UBA5: variants seen among roughly 807,000 people sequenced by gnomAD.
UBA5 encodes the protein ubiquitin-like modifier-activating enzyme 5.
A neutral mutation model predicts 52.9 loss-of-function variants in UBA5; 28 were observed. The ratio of observed to expected loss-of-function variants is 0.53; its 90% CI spans 0.39 to 0.73. The LOEUF is 0.73. Ranked by LOEUF, UBA5 falls within the 30% of genes least tolerant of loss-of-function variation. The pLI, the probability that UBA5 is intolerant of heterozygous loss-of-function variation, is 0.00. For synonymous variants in UBA5, 135 were observed against 162.1 expected, an observed-to-expected ratio of 0.83 and a Z score of 1.27; for missense variants, 388 against 492.7, an observed-to-expected ratio of 0.79 and a Z score of 2.01.
At chr3:132,660,230 C>T (rs574176889), upstream of UBA5, 11 of 522,442 alleles carry the variant, frequency 2.1e-5, no homozygotes, top group Admixed American at 3.4e-5. The surrounding 1 kb of genome is among the most constrained non-coding windows in gnomAD (Gnocchi z 4.1). Flanking sequence ...GCCCTGGACA[C>T]TTATCACCCC....
In UBA5 at chr3:132,679,258, ACT is replaced by A. The variant is rs1378384784; in HGVS notation, c.*2735_*2736del. On this transcript the variant is annotated 3_prime_UTR_variant, in exon 12 of 12. Coordinates refer to ENST00000356232, the MANE Select transcript of UBA5 (RefSeq NM_024818.6). Reference sequence around the variant, plus strand: ...ACTCCAGTCTGGAAAACAGAGTGAGACTCTGTCTCAAAAAAAAAGGTATTGAT... The same window carrying A: ...ACTCCAGTCTGGAAAACAGAGTGAGACTGTCTCAAAAAAAAAGGTATTGAT... Among the ~76,000 whole-genome samples the A allele has an allele frequency of 1.3e-5, 2 of 151,862 alleles. No homozygotes were observed. Among genetic ancestry groups the A allele is most frequent in the Non-Finnish European group, 2.9e-5 (2 of 67,946 alleles).
intron 8 of UBA5, 22 bp from the exon 9 acceptor site, chr3:132,675,226 A>T: frequency 6.6e-7 from 1 of 1,516,582 alleles, no homozygotes; most frequent in Non-Finnish European, 9.0e-7. Flanking sequence ...TTCTTTATTT[A>T]AGTCTATTTT....
intron 1 of UBA5, chr3:132,654,745 G>A (rs767470900): frequency 6.6e-5 from 10 of 152,232 alleles, no homozygotes; most frequent in African/African-American, 1.2e-4. Flanking sequence ...TACTTGCTGT[G>A]TTTCCCTTCT....
chr3:132,660,178 C>T (rs1426776578), upstream of UBA5: 2 of 394,586 alleles, frequency 5.1e-6, no homozygotes, highest in African/African-American at 2.1e-5. The surrounding 1 kb of genome is among the most constrained non-coding windows in gnomAD (Gnocchi z 4.1). Context: ...GACCCTGTTT[C>T]TCTTAGATAC....
Position 132,675,264 on chromosome 3 carries a change from G to A in UBA5, c.829G>A (p.Gly277Ser). The part of the protein sequence containing the change: ...QNVLKFLLNF[G>S]TVSFYLGYNA... ...TTTTTCTAGGTTTCTGTTAAATTTT[G>A]GTACTGTTAGTTTTTACCTTGGATA... Residue 277 changes from glycine to serine, a missense_variant, in exon 9 of 12, where the codon GGT (glycine) becomes AGT (serine). Transcript: ENST00000356232. The A allele has an allele frequency of 6.2e-7, 1 of 1,604,168 alleles. No individual in the cohort carries two copies. The highest frequency in any genetic ancestry group is 8.5e-7 in the Non-Finnish European group (1 of 1,173,394).
intron 4 of UBA5, 49 bp from the exon 5 acceptor site, chr3:132,670,149 T>C: frequency 1.0e-6 from 1 of 956,002 alleles, no homozygotes. Flanking sequence ...CACAGCCTCT[T>C]GAAATGCTAG....
chr3:132,659,927 C>G (rs141106165), upstream of UBA5: 187 of 696,166 alleles, frequency 2.7e-4, 1 homozygote, highest in African/African-American at 2.2e-3. Context: ...CGCTGAATCC[C>G]GAGGTTTTAG....
intron 6 of UBA5, 25 bp downstream of exon 6, chr3:132,671,074 A>ATATT: frequency 1.3e-6 from 2 of 1,572,138 alleles, no homozygotes; most frequent in South Asian, 2.2e-5. Flanking sequence ...TGTGCAAGAT[A>ATATT]TATTCATGGA....
Position 132,672,092 on chromosome 3 carries a change from A to T in UBA5, c.727A>T (p.Thr243Ser). 6.2e-7 allele frequency: 1 copy of T among 1,613,932 alleles called. No homozygotes were observed. The highest frequency in any genetic ancestry group is 8.5e-7 in the Non-Finnish European group (1 of 1,179,934). ...AGTTGCTGCAAATATTGATGAAAAG[A>T]CTCTGAAACGAGAAGGTGTTTGTGC... ...LVVAANIDEKTLKREGVCAAS... is the reference protein window; with the variant it reads ...LVVAANIDEKSLKREGVCAAS... Residue 243 changes from threonine to serine, a missense_variant, in exon 8 of 12, where the codon ACT becomes TCT. Thr to Ser is a moderately conservative substitution (Grantham distance 58). Around this residue, in one of 3 missense-constraint regions of UBA5, gnomAD observed 277 missense variants for 326.4 expected, o/e 0.85. Coordinates refer to ENST00000356232, the MANE Select transcript of UBA5 (RefSeq NM_024818.6).
upstream of UBA5, among the ~76,000 whole-genome samples, chr3:132,656,846 G>GT (rs1937834923): frequency 7.0e-6 from 1 of 142,954 alleles, no homozygotes; most frequent in African/African-American, 2.8e-5. Context: ...TTCTCATTGT[G>GT]TTGTTTTTTT....
At chr3:132,675,471 T>C (rs1425174681) in intron 9 of UBA5, 88 bp downstream of exon 9, 1 of 1,538,204 alleles carries the variant, frequency 6.5e-7, no homozygotes, top group African/African-American at 1.4e-5. Context: ...AAATGGTTAA[T>C]TTATTCACCA....
At position 132,678,305 on chromosome 3, in the gene UBA5, G is replaced by T. The variant is rs1430088510; in HGVS notation, c.*1779G>T. On this transcript the variant is annotated 3_prime_UTR_variant, in exon 12 of 12. Coordinates refer to ENST00000356232, the MANE Select transcript of UBA5 (RefSeq NM_024818.6). ...AGAATACTCTCTTGACAGTCTGTAT[G>T]CCATGAAAACTTGCATAAGAAGGCA... Among the ~76,000 whole-genome samples the T allele has an allele frequency of 6.6e-6, 1 of 152,098 alleles. No individual in the cohort carries two copies. The highest frequency in any genetic ancestry group is 1.5e-5 in the Non-Finnish European group (1 of 68,010).
chr3:132,672,409 G>T (rs113560492), intron 8 of UBA5, among the ~76,000 whole-genome samples: 3,478 of 152,060 alleles, frequency 0.023, 138 homozygotes, highest in African/African-American at 0.08. Context: ...TAATACATGT[G>T]TGCATATTCA....
chr3:132,661,990 T>G, intron 1 of UBA5, among the ~76,000 whole-genome samples: 1 of 152,226 alleles, frequency 6.6e-6, no homozygotes, highest in South Asian at 2.1e-4. Flanking sequence ...TTTGACATTT[T>G]TAAAACATTT....
chr3:132,668,908 G>A lies in UBA5; in HGVS notation c.388G>A (p.Ala130Thr), dbSNP rs761238888. Residue 130 changes from alanine (A) to threonine (T), a missense_variant, in exon 4 of 12, where the codon GCA becomes ACA. This residue lies in a region of UBA5 where 277 missense variants were observed against 326.4 expected (regional missense o/e 0.85). Transcript: ENST00000356232. ...PHQAGLSKVQ[A>T]AEHTLRNINP... ...TCAAGCAGGATTAAGTAAAGTTCAAGCAGCAGAACATACTCTGAGGTAAAT... is the reference window on the plus strand; with the variant it reads ...TCAAGCAGGATTAAGTAAAGTTCAAACAGCAGAACATACTCTGAGGTAAAT... 6.2e-7 allele frequency: 1 copy of A among 1,608,060 alleles called. No individual in the cohort carries two copies.
chr3:132,675,532 T>A (rs1351752151), intron 9 of UBA5, 73 bp from the exon 10 acceptor site: 1 of 1,518,206 alleles, frequency 6.6e-7, no homozygotes, highest in Non-Finnish European at 9.0e-7. Flanking sequence ...AAAAAGCCTG[T>A]CTGAATTCTT....
At chr3:132,659,777 G>A (rs1437617668), upstream of UBA5, 1 of 1,570,496 alleles carries the variant, frequency 6.4e-7, no homozygotes, top group East Asian at 2.3e-5. Flanking sequence ...CCACAGCAAC[G>A]CGGCATCCAC....
At chr3:132,659,962 C>A, upstream of UBA5, 1 of 519,872 alleles carries the variant, frequency 1.9e-6, no homozygotes, top group Non-Finnish European at 3.3e-6. Flanking sequence ...CAAAAGAGCC[C>A]AATGTGTGTT....
intron 1 of UBA5, among the ~76,000 whole-genome samples, chr3:132,665,059 G>A (rs1206559090): frequency 6.6e-6 from 1 of 152,042 alleles, no homozygotes; most frequent in East Asian, 1.9e-4. Flanking sequence ...TAACCAAGAT[G>A]ACTATCTAAC....
Sources: gnomAD v4.1 joint callset for allele counts (sites outside exome capture counted in the v4.1 genomes callset) on GRCh38, gnomAD v4.1.1 for gene constraint, gnomAD v4.1.1 regional missense constraint, Gnocchi (gnomAD v3.1) non-coding constraint, MANE v1.5 for transcripts, NCBI Gene and HGNC (gene_info 2026-07-23, HGNC 2026-07-21) for gene names.